The following COL24A1 variants were observed in gnomAD, a reference collection of about 807,000 sequenced individuals.
COL24A1 encodes the protein collagen alpha-1(XXIV) chain.
COL24A1 carries 224 observed loss-of-function variants against 253.9 expected under a neutral mutation model. That is an observed-to-expected ratio of 0.88 (90% CI 0.79 to 0.99). COL24A1 has a LOEUF of 0.99. COL24A1 is among the 50% of genes least tolerant of loss of function. The pLI is 0.00. For synonymous variants in COL24A1, 685 were observed against 673.7 expected (o/e 1.02, Z -0.26); for missense variants, 2,131 against 2,068.5 (o/e 1.03, Z -0.59).
intron 24 of COL24A1, among the ~76,000 whole-genome samples, chr1:85,922,434 C>A (rs1686625195): frequency 1.3e-5 from 2 of 152,104 alleles, no homozygotes; most frequent in African/African-American, 4.8e-5. Flanking sequence ...TCAGGTTAAC[C>A]ACAAAGGGAA....
At chr1:86,149,222 T>C (rs1652384224) in intron 1 of COL24A1, among the ~76,000 whole-genome samples, 1 of 152,112 alleles carries the variant, frequency 6.6e-6, no homozygotes, top group South Asian at 2.1e-4. Flanking sequence ...AAACTAATAA[T>C]TGGATCTTTC....
At chr1:85,846,998 G>C (rs1007172890) in intron 39 of COL24A1, among the ~76,000 whole-genome samples, 1 of 151,990 alleles carries the variant, frequency 6.6e-6, no homozygotes, top group Non-Finnish European at 1.5e-5. Flanking sequence ...ATGGAAATAC[G>C]CATGCATTTT....
intron 5 of COL24A1, among the ~76,000 whole-genome samples, chr1:86,093,277 G>A (rs944100864): frequency 1.3e-5 from 2 of 151,938 alleles, no homozygotes; most frequent in Non-Finnish European, 2.9e-5. Context: ...GCAGAGTCCT[G>A]TATTCTATAG....
intron 28 of COL24A1, among the ~76,000 whole-genome samples, chr1:85,906,264 CTTT>C (rs10526604): frequency 1.3e-5 from 1 of 77,846 alleles, no homozygotes. Flanking sequence ...ACTGCAAGGT[CTTT>C]TTTTTTTTTT....
intron 7 of COL24A1, among the ~76,000 whole-genome samples, chr1:86,076,127 T>C (rs758075876): frequency 2.9e-4 from 44 of 152,290 alleles, no homozygotes; most frequent in Middle Eastern, 3.4e-3. Context: ...GATGACATGA[T>C]TGTATATTTA....
Position 85,838,677 on chromosome 1 carries a change from G to A in COL24A1, c.3628-39C>T, listed in dbSNP as rs762210950. On this transcript the variant is annotated intron_variant, in intron 42 of 59. Transcript: ENST00000370571. ...ACACAAAACAATCAGTTTTACAGCTGGATCAAAGTATATGCGAATGCAGGT... is the reference window on the plus strand; with the variant it reads ...ACACAAAACAATCAGTTTTACAGCTAGATCAAAGTATATGCGAATGCAGGT... 16 of 1,588,542 alleles carry A rather than the reference G, an allele frequency of 1.0e-5. No individual in the cohort carries two copies. In the South Asian group the frequency reaches 1.7e-4, roughly 17 times the overall value.
intron 11 of COL24A1, among the ~76,000 whole-genome samples, chr1:86,047,718 C>T (rs1328073512): frequency 6.6e-6 from 1 of 151,550 alleles, no homozygotes; most frequent in Non-Finnish European, 1.5e-5. Flanking sequence ...TATATATGTA[C>T]ATATATAAAA....
chr1:85,877,703 T>C (rs116577258), intron 32 of COL24A1, among the ~76,000 whole-genome samples: 248 of 152,366 alleles, frequency 1.6e-3, no homozygotes, highest in African/African-American at 5.4e-3. Flanking sequence ...GCTATGCTTA[T>C]ATTAAAAAGA....
chr1:86,022,326 T>A, intron 17 of COL24A1, 33 bp from the exon 18 acceptor site: 1 of 1,570,416 alleles, frequency 6.4e-7, no homozygotes, highest in Non-Finnish European at 8.8e-7. Flanking sequence ...GAGAAAGTTA[T>A]TATACCACAA....
intron 3 of COL24A1, among the ~76,000 whole-genome samples, chr1:86,124,509 A>C (rs1647925204): frequency 6.6e-6 from 1 of 151,980 alleles, no homozygotes; most frequent in Admixed American, 6.6e-5. Context: ...ATGGTTTTCA[A>C]AATATAAATA....
At chr1:85,901,845 A>AAAAAAAAAAAAAC (rs1684341825) in intron 28 of COL24A1, among the ~76,000 whole-genome samples, 2 of 150,402 alleles carry the variant, frequency 1.3e-5, no homozygotes, top group Non-Finnish European at 3.0e-5. Context: ...AAAAAAAAAA[A>AAAAAAAAAAAAAC]AAAAGAACTA....
At chr1:85,747,223 T>A (rs981088571) in intron 55 of COL24A1, among the ~76,000 whole-genome samples, 3 of 151,324 alleles carry the variant, frequency 2.0e-5, no homozygotes, top group Admixed American at 2.0e-4. Flanking sequence ...GCGATTCTCC[T>A]GCCTCTCAGC....
chr1:85,762,822 G>A (rs1666973976), intron 53 of COL24A1, among the ~76,000 whole-genome samples: 1 of 152,118 alleles, frequency 6.6e-6, no homozygotes, highest in African/African-American at 2.4e-5. Context: ...AAATACATAT[G>A]TTACCTTTGA....
intron 2 of COL24A1, among the ~76,000 whole-genome samples, chr1:86,143,692 A>G (rs928994609): frequency 3.3e-5 from 5 of 152,058 alleles, no homozygotes; most frequent in African/African-American, 1.2e-4. Context: ...GTGCTAAAAG[A>G]GTTTGGGCAG....
chr1:85,787,208 T>A (rs1669773179), intron 47 of COL24A1, among the ~76,000 whole-genome samples: 1 of 151,790 alleles, frequency 6.6e-6, no homozygotes, highest in Non-Finnish European at 1.5e-5. Flanking sequence ...TTTTTTTTTT[T>A]AATTTCATTT....
At chr1:86,059,074 T>A in intron 9 of COL24A1, 47 bp downstream of exon 9, 1 of 1,312,322 alleles carries the variant, frequency 7.6e-7, no homozygotes, top group Non-Finnish European at 1.1e-6. Flanking sequence ...TACAATGTAT[T>A]AATAAATAGG....
At chr1:85,840,083 T>G (rs1676434977) in intron 42 of COL24A1, among the ~76,000 whole-genome samples, 2 of 152,166 alleles carry the variant, frequency 1.3e-5, no homozygotes, top group Non-Finnish European at 2.9e-5. Context: ...ATTTAGAATC[T>G]TTGTGGTTTA....
chr1:85,977,337 C>T (rs984665284), intron 20 of COL24A1, among the ~76,000 whole-genome samples: 1 of 152,196 alleles, frequency 6.6e-6, no homozygotes, highest in Non-Finnish European at 1.5e-5. Flanking sequence ...AAAGACCACA[C>T]TGGCTCCCCA....
At chr1:85,740,802 G>A (rs114113490) in intron 57 of COL24A1, among the ~76,000 whole-genome samples, 6,320 of 149,370 alleles carry the variant, frequency 0.042, 477 homozygotes, top group African/African-American at 0.15. Flanking sequence ...TGAATAAACT[G>A]TGTTCCTATA....
Sources: gnomAD v4.1 joint callset for allele counts (sites outside exome capture counted in the v4.1 genomes callset) on GRCh38, gnomAD v4.1.1 for gene constraint, MANE v1.5 for transcripts, NCBI Gene and HGNC (gene_info 2026-07-23, HGNC 2026-07-21) for gene names.